The following BMPR1B variants were observed in gnomAD, a reference collection of about 807,000 sequenced individuals.
The protein encoded by BMPR1B is bone morphogenetic protein receptor type 1B.
Under a neutral mutation model 59.1 loss-of-function variants are expected in BMPR1B, and 12 were observed. The ratio of observed to expected loss-of-function variants is 0.20; its 90% CI spans 0.13 to 0.33. BMPR1B has a LOEUF of 0.33. Ranked by LOEUF, BMPR1B falls within the 10% of genes least tolerant of loss-of-function variation. BMPR1B has a pLI of 1.00. For missense variants in BMPR1B, 550 were observed against 610.9 expected (o/e 0.90, Z 1.05); for synonymous variants, 237 against 207.3 (o/e 1.14, Z -1.23).
intron 3 of BMPR1B, among the ~76,000 whole-genome samples, chr4:95,013,064 TA>T (rs923289036): frequency 1.8e-4 from 28 of 151,940 alleles, no homozygotes; most frequent in Admixed American, 1.7e-3. Flanking sequence ...TGTCTTATGT[TA>T]AAAATTATAT....
At chr4:94,836,104 G>A (rs960600704) in intron 1 of BMPR1B, among the ~76,000 whole-genome samples, 2 of 147,764 alleles carry the variant, frequency 1.4e-5, no homozygotes, top group East Asian at 1.9e-4. Flanking sequence ...ATTTTTTATG[G>A]CTGCATAGTA....
At position 95,154,699 on chromosome 4, in the gene BMPR1B, GC is replaced by G; in HGVS notation, c.*27del. The stretch of plus-strand genomic sequence containing the variant: ...TAGGAGAGGAAAAGTAAGCATCTCT[GC>G]AGAAAGCCAACAGGTACTCTTCTGT... On this transcript the variant is annotated 3_prime_UTR_variant, in exon 13 of 13. Transcript: ENST00000515059. 1 of 1,613,470 alleles carries G rather than the reference GC, an allele frequency of 6.2e-7. No individual in the cohort carries two copies. Among genetic ancestry groups the G allele is most frequent in the Non-Finnish European group, 8.5e-7 (1 of 1,179,572 alleles).
chr4:95,086,998 CTTTTTTTTTTT>C (rs34460668), intron 3 of BMPR1B, among the ~76,000 whole-genome samples: 10 of 103,104 alleles, frequency 9.7e-5, no homozygotes, highest in East Asian at 3.2e-4. Context: ...TCATATCCTT[CTTTTTTTTTTT>C]TTTTTTTTTT....
chr4:94,961,245 T>A (rs1261443352), intron 2 of BMPR1B, among the ~76,000 whole-genome samples: 1 of 152,130 alleles, frequency 6.6e-6, no homozygotes. Flanking sequence ...CACCACCTAT[T>A]ATATATACAG....
At chr4:94,786,351 A>G (rs951499621) in intron 1 of BMPR1B, among the ~76,000 whole-genome samples, 1 of 147,634 alleles carries the variant, frequency 6.8e-6, no homozygotes, top group Non-Finnish European at 1.5e-5. Flanking sequence ...ATACTTTGTA[A>G]GACTTGAGAA....
chr4:94,766,878 G>C (rs564389466), intron 1 of BMPR1B, among the ~76,000 whole-genome samples: 1 of 152,094 alleles, frequency 6.6e-6, no homozygotes, highest in East Asian at 1.9e-4. Context: ...CATTTCAAAA[G>C]AGCTTCCTTC....
intron 1 of BMPR1B, among the ~76,000 whole-genome samples, chr4:94,854,881 A>G (rs1348708789): frequency 2.6e-5 from 4 of 152,288 alleles, no homozygotes; most frequent in African/African-American, 9.6e-5. Context: ...CTTGAGGGCT[A>G]TTTTCTAAAG....
At chr4:95,033,902 T>C (rs543894961) in intron 3 of BMPR1B, among the ~76,000 whole-genome samples, 4 of 152,266 alleles carry the variant, frequency 2.6e-5, no homozygotes, top group South Asian at 2.1e-4. Flanking sequence ...TGCATAATTA[T>C]AATACAAGGA....
intron 2 of BMPR1B, among the ~76,000 whole-genome samples, chr4:94,892,388 A>C (rs1239082000): frequency 1.3e-5 from 2 of 152,094 alleles, no homozygotes. Context: ...AGGAGCTTTA[A>C]TACAAGATTT....
At chr4:94,997,688 A>G (rs1184615774) in intron 3 of BMPR1B, among the ~76,000 whole-genome samples, 5 of 151,928 alleles carry the variant, frequency 3.3e-5, no homozygotes, top group Admixed American at 6.6e-5. Context: ...ATTTTTGACA[A>G]TATCTTTATT....
At chr4:94,838,989 C>G (rs1224577842) in intron 1 of BMPR1B, among the ~76,000 whole-genome samples, 1 of 126,354 alleles carries the variant, frequency 7.9e-6, no homozygotes, top group Non-Finnish European at 1.7e-5. Flanking sequence ...CAAAGAACAT[C>G]TTTATTTCTG....
At chr4:94,855,505 G>A (rs1325854669) in intron 1 of BMPR1B, among the ~76,000 whole-genome samples, 1 of 152,048 alleles carries the variant, frequency 6.6e-6, no homozygotes. Flanking sequence ...CTTCAGAAAA[G>A]CTCTTCCCAT....
chr4:94,891,713 T>C (rs1727401924), intron 2 of BMPR1B, among the ~76,000 whole-genome samples: 1 of 152,070 alleles, frequency 6.6e-6, no homozygotes, highest in Non-Finnish European at 1.5e-5. Flanking sequence ...TCCTAGAACA[T>C]TGCAGATTTA....
At chr4:94,812,172 C>T (rs779175671) in intron 1 of BMPR1B, among the ~76,000 whole-genome samples, 1 of 149,538 alleles carries the variant, frequency 6.7e-6, no homozygotes, top group Non-Finnish European at 1.5e-5. Context: ...TCACTTAGTA[C>T]CTAGTCCTCC....
intron 2 of BMPR1B, among the ~76,000 whole-genome samples, chr4:94,896,302 T>TCTAG (rs1727582943): frequency 6.6e-6 from 1 of 152,024 alleles, no homozygotes. Flanking sequence ...GACAGTTAAA[T>TCTAG]CTAGGCTTGA....
chr4:95,140,941 T>A (rs1275810904), intron 10 of BMPR1B, among the ~76,000 whole-genome samples: 1 of 152,182 alleles, frequency 6.6e-6, no homozygotes, highest in Non-Finnish European at 1.5e-5. Context: ...CAAACCCTGA[T>A]TCTAGGAAGT....
At chr4:95,004,515 T>C (rs963686551) in intron 3 of BMPR1B, among the ~76,000 whole-genome samples, 1 of 152,142 alleles carries the variant, frequency 6.6e-6, no homozygotes, top group African/African-American at 2.4e-5. Context: ...CAGTCATATT[T>C]ATTTTCCTGC....
chr4:94,957,927 A>G (rs527881589), intron 2 of BMPR1B, among the ~76,000 whole-genome samples: 1 of 152,308 alleles, frequency 6.6e-6, no homozygotes, highest in African/African-American at 2.4e-5. Context: ...ATCAAGATCA[A>G]CATGTGTGTT....
chr4:94,993,017 G>A (rs781271633), intron 2 of BMPR1B, among the ~76,000 whole-genome samples: 45 of 152,136 alleles, frequency 3.0e-4, no homozygotes, highest in Non-Finnish European at 4.1e-4. Context: ...GACTACTGGT[G>A]TGTGCCACCA....
Sources: gnomAD v4.1 joint callset for allele counts (sites outside exome capture counted in the v4.1 genomes callset) on GRCh38, gnomAD v4.1.1 for gene constraint, MANE v1.5 for transcripts, NCBI Gene and HGNC (gene_info 2026-07-23, HGNC 2026-07-21) for gene names.